The following SLC4A4 variants were observed in gnomAD, a reference collection of about 807,000 sequenced individuals.
The protein encoded by SLC4A4 is solute carrier family 4 member 4, also known as electrogenic sodium bicarbonate cotransporter 1.
Under a neutral mutation model 111.5 loss-of-function variants are expected in SLC4A4, and 27 were observed. That is an observed-to-expected ratio of 0.24 (90% CI 0.18 to 0.33). The LOEUF (loss-of-function observed/expected upper bound fraction) is 0.33. SLC4A4 is among the 10% of genes least tolerant of loss of function. The pLI, the probability that SLC4A4 is intolerant of heterozygous loss-of-function variation, is 1.00. For missense variants in SLC4A4, 909 were observed against 1,315.5 expected (o/e 0.69, Z 4.78); for synonymous variants, 443 against 463.4 (o/e 0.96, Z 0.57).
chr4:71,546,570 T>C, intron 19 of SLC4A4, 42 bp downstream of exon 19: 1 of 1,529,912 alleles, frequency 6.5e-7, no homozygotes, highest in Non-Finnish European at 9.0e-7. Flanking sequence ...AAACACACTG[T>C]GCACACATCT....
In SLC4A4 at chr4:71,163,200, G is replaced by A. The variant is rs78691464; in HGVS notation, c.-2+70408G>A. 3.8e-3 allele frequency among the ~76,000 whole-genome samples: 586 copies of A among 152,212 alleles called. 5 individuals carry two copies. Among genetic ancestry groups the A allele is most frequent in the African/African-American group, 0.013 (557 of 41,528 alleles). On this transcript the variant is annotated intron_variant, in intron 2 of 26. Coordinates refer to the SLC4A4 transcript ENST00000649996. ...TTTACTTCATAGTGAGAGTAGTTAGGGTGTGGGCTTTATTTTTGTCATTCC... is the reference window on the plus strand; with the variant it reads ...TTTACTTCATAGTGAGAGTAGTTAGAGTGTGGGCTTTATTTTTGTCATTCC...
intron 3 of SLC4A4, among the ~76,000 whole-genome samples, chr4:71,307,972 A>G (rs1578800879): frequency 6.6e-6 from 1 of 152,068 alleles, no homozygotes; most frequent in East Asian, 1.9e-4. Flanking sequence ...GCCTTCTAAA[A>G]CACACACCTG....
intron 2 of SLC4A4, among the ~76,000 whole-genome samples, chr4:71,125,221 G>A (rs1028433981): frequency 2.0e-5 from 3 of 152,186 alleles, no homozygotes; most frequent in Non-Finnish European, 4.4e-5. Context: ...AAGTATAAGA[G>A]AACAACAAAA....
intron 7 of SLC4A4, among the ~76,000 whole-genome samples, chr4:71,423,326 A>G (rs1243495514): frequency 3.9e-5 from 6 of 152,134 alleles, no homozygotes; most frequent in Non-Finnish European, 7.4e-5. Context: ...CCACTGCTCA[A>G]TGAAATAAAA....
At chr4:71,528,375 G>A (rs1440635510) in intron 16 of SLC4A4, among the ~76,000 whole-genome samples, 2 of 152,122 alleles carry the variant, frequency 1.3e-5, no homozygotes, top group Non-Finnish European at 1.5e-5. Flanking sequence ...TTAAGCTACA[G>A]AAATTATAAT....
intron 6 of SLC4A4, among the ~76,000 whole-genome samples, chr4:71,362,870 T>C (rs565039319): frequency 6.6e-5 from 10 of 152,224 alleles, no homozygotes; most frequent in African/African-American, 2.2e-4. Context: ...CCCCATGCCT[T>C]CTCCTGGTGC....
intron 1 of SLC4A4, among the ~76,000 whole-genome samples, chr4:71,217,356 G>A (rs1489836333): frequency 1.3e-5 from 2 of 152,040 alleles, no homozygotes; most frequent in East Asian, 3.9e-4. Flanking sequence ...CCTGAGGTCA[G>A]GAGTTTGTGA....
chr4:71,480,514 C>T (rs1728778139), intron 14 of SLC4A4, among the ~76,000 whole-genome samples: 2 of 151,636 alleles, frequency 1.3e-5, no homozygotes, highest in Non-Finnish European at 1.5e-5. Context: ...CCCTTTGTTG[C>T]CTTTATTGAC....
chr4:71,509,815 GGTTCTTAGTTGTACT>G (rs1255104238), intron 16 of SLC4A4, among the ~76,000 whole-genome samples: 1 of 152,136 alleles, frequency 6.6e-6, no homozygotes, highest in African/African-American at 2.4e-5. Flanking sequence ...TTGAGCAATG[GGTTCTTAGTTGTACT>G]GTTGGTTCTA....
intron 2 of SLC4A4, among the ~76,000 whole-genome samples, chr4:71,242,829 G>A (rs1199106599): frequency 1.3e-5 from 2 of 151,146 alleles, no homozygotes; most frequent in Non-Finnish European, 3.0e-5. Flanking sequence ...TTGTTTACTT[G>A]CTTAATTCAT....
At chr4:71,404,208 G>T (rs991689702) in intron 7 of SLC4A4, among the ~76,000 whole-genome samples, 1 of 151,926 alleles carries the variant, frequency 6.6e-6, no homozygotes, top group Non-Finnish European at 1.5e-5. Context: ...ATTACTGTTG[G>T]CTAACATGAG....
At chr4:71,489,417 C>T (rs1729701997) in intron 15 of SLC4A4, among the ~76,000 whole-genome samples, 1 of 151,504 alleles carries the variant, frequency 6.6e-6, no homozygotes, top group African/African-American at 2.4e-5. Context: ...GCTGTGGAAC[C>T]TTCTTAGTTT....
At chr4:71,147,380 C>G (rs1251343085) in intron 2 of SLC4A4, among the ~76,000 whole-genome samples, 1 of 152,086 alleles carries the variant, frequency 6.6e-6, no homozygotes, top group African/African-American at 2.4e-5. Flanking sequence ...TTTTTCCCAA[C>G]TCTCCTTGGA....
At position 71,563,810 on chromosome 4, in the gene SLC4A4, A is replaced by G. The variant is rs746413153; in HGVS notation, c.3117A>G (p.Ser1039=). 1.5e-5 allele frequency: 24 copies of G among 1,609,282 alleles called. No homozygotes were observed. In the East Asian group the frequency reaches 5.4e-4, roughly 36 times the overall value. ...SDNDDSDCPY[S]EKVPSIKIPM... is the part of the protein sequence containing the mutation. ...TTTCACAGTCTGACTGCCCATACTCAGAAAAAGTTCCAAGTATTAAAATTC... is the reference window on the plus strand; with the variant it reads ...TTTCACAGTCTGACTGCCCATACTCGGAAAAAGTTCCAAGTATTAAAATTC... The change falls in exon 24 of 26, where the codon TCA becomes TCG. Residue 1039 remains serine, a synonymous_variant. Coordinates refer to ENST00000264485, the MANE Select transcript of SLC4A4 (RefSeq NM_001098484.3).
intron 16 of SLC4A4, among the ~76,000 whole-genome samples, chr4:71,506,996 G>C (rs955206695): frequency 6.6e-6 from 1 of 152,018 alleles, no homozygotes; most frequent in Non-Finnish European, 1.5e-5. Context: ...ACCAAACTAA[G>C]CTTCATAAGC....
chr4:71,112,201 C>A (rs184909863), intron 2 of SLC4A4, among the ~76,000 whole-genome samples: 2 of 152,312 alleles, frequency 1.3e-5, no homozygotes, highest in Non-Finnish European at 2.9e-5. Flanking sequence ...TAATTAAAAA[C>A]AAACAATTAT....
At chr4:71,120,476 C>T (rs1346341005) in intron 2 of SLC4A4, among the ~76,000 whole-genome samples, 1 of 152,184 alleles carries the variant, frequency 6.6e-6, no homozygotes, top group Non-Finnish European at 1.5e-5. Flanking sequence ...CAGGGAAATC[C>T]TGCTTCTGTG....
chr4:71,164,657 A>G (rs551560958), intron 2 of SLC4A4, among the ~76,000 whole-genome samples: 6 of 152,246 alleles, frequency 3.9e-5, no homozygotes, highest in Non-Finnish European at 1.5e-5. Context: ...AGACTTCATG[A>G]CTAAAACACC....
At chr4:71,439,025 A>C (rs932215433) in intron 7 of SLC4A4, among the ~76,000 whole-genome samples, 1 of 151,936 alleles carries the variant, frequency 6.6e-6, no homozygotes, top group Non-Finnish European at 1.5e-5. Context: ...AAAGAAAGAA[A>C]TCTATTTTAT....
Sources: gnomAD v4.1 joint callset for allele counts (sites outside exome capture counted in the v4.1 genomes callset) on GRCh38, gnomAD v4.1.1 for gene constraint, MANE v1.5 for transcripts, NCBI Gene and HGNC (gene_info 2026-07-23, HGNC 2026-07-21) for gene names.